PCM1: variants seen among roughly 807,000 people sequenced by gnomAD.
PCM1 encodes pericentriolar material 1 protein.
A neutral mutation model predicts 241.9 loss-of-function variants in PCM1; 157 were observed. The observed-to-expected ratio is 0.65, with a 90% confidence interval of 0.57 to 0.74. The LOEUF (loss-of-function observed/expected upper bound fraction) is 0.74, where lower values mean the gene tolerates loss of function less well. Among genes scored for constraint, PCM1 ranks in the 30% least tolerant of loss-of-function variants. The probability of loss-of-function intolerance (pLI) is 0.00; values close to 1 mark genes in which losing one functional copy is unlikely to be tolerated. For missense variants in PCM1, 3,478 were observed against 2,360.1 expected (o/e 1.47, Z -9.81); for synonymous variants, 1,085 against 784.9 (o/e 1.38, Z -6.39).
At chr8:17,955,735 C>T in intron 10 of PCM1, 82 bp downstream of exon 10, 1 of 1,039,108 alleles carries the variant, frequency 9.6e-7, no homozygotes, top group Non-Finnish European at 1.5e-6. Context: ...GAAAATTCTG[C>T]AAAACGAGAT....
chr8:17,969,830 C>A lies in PCM1; in HGVS notation c.3584+82C>A, dbSNP rs934443073. On this transcript the variant is annotated intron_variant, in intron 22 of 38. Coordinates refer to ENST00000325083, the MANE Select transcript of PCM1 (RefSeq NM_006197.4). ...AATTATGTGTAATTTGAAAACACAACTAGGGAGGACGTTTGTGATGATTTG... is the reference window on the plus strand; with the variant it reads ...AATTATGTGTAATTTGAAAACACAAATAGGGAGGACGTTTGTGATGATTTG... 1.8e-5 allele frequency: 19 copies of A among 1,034,906 alleles called. No homozygotes were observed. The Admixed American group carries it at 4.4e-4, about 24-fold the overall frequency. 64.1% of individuals were successfully genotyped at this position (1,034,906 alleles called of 1,614,324 possible). A position where few individuals can be genotyped will look rare whatever the true frequency, so the allele number is the denominator to read the frequency against.
intron 2 of PCM1, chr8:17,927,126 T>C (rs1015629526): frequency 7.1e-6 from 1 of 140,304 alleles, no homozygotes; most frequent in African/African-American, 2.9e-5. Context: ...TCACTTTGAT[T>C]TTTTTTTTTT....
rs750715895 is a variant in PCM1, at chr8:17,938,723, T to A, written c.343-17T>A. On this transcript the variant is annotated splice_polypyrimidine_tract_variant and intron_variant, in intron 4 of 38. Coordinates refer to ENST00000325083, the MANE Select transcript of PCM1 (RefSeq NM_006197.4). ...AAGGTTAATGTTTGTGTGATTTGAT[T>A]TCTTTTTCATATATAGAGAAGCATT... 1 of 1,593,802 alleles carries A rather than the reference T, an allele frequency of 6.3e-7. No homozygotes were observed. Among genetic ancestry groups the A allele is most frequent in the Non-Finnish European group, 8.6e-7 (1 of 1,164,156 alleles).
chr8:17,996,111 C>G (rs1199951990), intron 29 of PCM1, among the ~76,000 whole-genome samples: 1 of 152,120 alleles, frequency 6.6e-6, no homozygotes, highest in Non-Finnish European at 1.5e-5. Flanking sequence ...TTGTTGTGTT[C>G]CAGATCACAA....
intron 6 of PCM1, among the ~76,000 whole-genome samples, chr8:17,946,850 TG>T (rs2063976611): frequency 6.6e-6 from 1 of 151,516 alleles, no homozygotes; most frequent in Admixed American, 6.6e-5. Context: ...TGTGTGTGTG[TG>T]TGTGTGTGTG....
chr8:17,986,239 G>A, intron 26 of PCM1, 152 bp downstream of exon 26: 1 of 494,300 alleles, frequency 2.0e-6, no homozygotes, highest in Non-Finnish European at 3.4e-6. Flanking sequence ...TTTATTTTGA[G>A]GGCGAGATAT....
At position 17,966,170 on chromosome 8, in the gene PCM1, G is replaced by C. The variant is rs1375459051; in HGVS notation, c.3027G>C (p.Gln1009His). The C allele has an allele frequency of 5.6e-6, 9 of 1,613,800 alleles. No homozygotes were observed. Among genetic ancestry groups the C allele is most frequent in the African/African-American group, 1.3e-5 (1 of 74,924 alleles). ...AACAAATCAATCAGCTAAAGAAACA[G>C]CTTGATTTTAGTGTCAGTATTTGTC... Reference protein sequence around the residue: ...WQEQINQLKKQLDFSVSICQT... With the variant: ...WQEQINQLKKHLDFSVSICQT... Residue 1009 changes from glutamine to histidine, a missense_variant, in exon 19 of 39, where the codon CAG (glutamine) becomes CAC (histidine). Coordinates refer to ENST00000325083, the MANE Select transcript of PCM1 (RefSeq NM_006197.4).
intron 31 of PCM1, 80 bp from the exon 32 acceptor site, chr8:18,010,529 T>C: frequency 9.9e-7 from 1 of 1,005,398 alleles, no homozygotes; most frequent in East Asian, 2.7e-5. Context: ...CCCAGTACTT[T>C]GGGAGGCTGA....
intron 23 of PCM1, among the ~76,000 whole-genome samples, chr8:17,975,350 A>G (rs2078369057): frequency 6.6e-6 from 1 of 152,032 alleles, no homozygotes; most frequent in African/African-American, 2.4e-5. Context: ...TTTAGTAGAG[A>G]CGGGGTTTCT....
chr8:18,018,848 G>GTATATATA (rs765183382), intron 36 of PCM1, among the ~76,000 whole-genome samples: 40 of 36,238 alleles, frequency 1.1e-3, no homozygotes, highest in African/African-American at 1.3e-3. Flanking sequence ...ATGTGTGTGT[G>GTATATATA]TGTGTATATA....
Position 17,947,310 on chromosome 8 carries a change from T to C in PCM1, c.908T>C (p.Leu303Pro). 1 of 1,612,618 alleles carries C rather than the reference T, an allele frequency of 6.2e-7. No homozygotes were observed. The highest frequency in any genetic ancestry group is 1.3e-5 in the African/African-American group (1 of 74,992). ...GCTCTACAGGGACGGCAGGCTGCACTTCTAGCTCTGCAACATAAAGCAGAG... is the reference window on the plus strand; with the variant it reads ...GCTCTACAGGGACGGCAGGCTGCACCTCTAGCTCTGCAACATAAAGCAGAG... Reference protein sequence around the residue: ...LRALQGRQAALLALQHKAEQA... With the variant: ...LRALQGRQAAPLALQHKAEQA... Residue 303 changes from leucine to proline, a missense_variant, in exon 7 of 39, where the codon CTT (leucine) becomes CCT (proline). Transcript: ENST00000325083.
At position 18,023,724 on chromosome 8, in the gene PCM1, C is replaced by T. The variant is rs1280451321; in HGVS notation, c.5842-1637C>T. Among the ~76,000 whole-genome samples, 3 of 152,216 alleles carry T rather than the reference C, an allele frequency of 2.0e-5. No individual in the cohort carries two copies. In the East Asian group the frequency reaches 5.8e-4, roughly 29 times the overall value. On this transcript the variant is annotated intron_variant, in intron 36 of 38. Coordinates refer to ENST00000325083, the MANE Select transcript of PCM1 (RefSeq NM_006197.4). ...TAGAGGGATCTTTAAGTTCTTGCTACAGTTACTGTGTTTTCTTCCTTTGTG... is the reference window on the plus strand; with the variant it reads ...TAGAGGGATCTTTAAGTTCTTGCTATAGTTACTGTGTTTTCTTCCTTTGTG...
Position 17,936,869 on chromosome 8 carries a change from A to G in PCM1, c.97-265A>G, listed in dbSNP as rs930708615. ...TCTTGGAAATATTCAGATTGATTTT[A>G]GGGTTGGCATTTGAGGATTTGTATT... On this transcript the variant is annotated intron_variant, in intron 3 of 38. Transcript: ENST00000325083. Among the ~76,000 whole-genome samples, 6 of 152,330 alleles carry G rather than the reference A, an allele frequency of 3.9e-5. No homozygotes were observed. In the East Asian group the frequency reaches 9.6e-4, roughly 24 times the overall value.
In PCM1 at chr8:17,960,062, G is replaced by C; in HGVS notation, c.2089G>C (p.Asp697His). The C allele has an allele frequency of 6.2e-7, 1 of 1,612,358 alleles. No homozygotes were observed. Among genetic ancestry groups the C allele is most frequent in the Non-Finnish European group, 8.5e-7 (1 of 1,179,130 alleles). ...GVISASASNL[D>H]DFYPAEEDTK... is the part of the protein sequence containing the mutation. ...TATCTCTGCCAGTGCATCAAATTTG[G>C]ATGATTTCTACCCAGCAGAAGAAGA... The change falls in exon 14 of 39, where the codon GAT (aspartate) becomes CAT (histidine). Residue 697 changes from aspartate to histidine, a missense_variant. Coordinates refer to ENST00000325083, the MANE Select transcript of PCM1 (RefSeq NM_006197.4).
At chr8:17,935,509 T>C in intron 2 of PCM1, 80 bp from the exon 3 acceptor site, 1 of 615,044 alleles carries the variant, frequency 1.6e-6, no homozygotes, top group Non-Finnish European at 3.0e-6. Context: ...AAAGATTGTA[T>C]TGCTAAACTT....
At position 17,972,687 on chromosome 8, in the gene PCM1, A is replaced by G. The variant is rs199710827; in HGVS notation, c.3943A>G (p.Arg1315Gly). Reference protein sequence around the residue: ...TQLKSRVKNIRYESASMSSTC... With the variant: ...TQLKSRVKNIGYESASMSSTC... The stretch of plus-strand genomic sequence containing the variant: ...GCTGAAAAGCAGAGTTAAAAACATC[A>G]GTAAGTGTTGAAATTTGTTGAATGT... Residue 1315 changes from arginine (R) to glycine (G), a missense_variant and splice_region_variant, in exon 23 of 39, where the codon AGG becomes GGG. Coordinates refer to ENST00000325083, the MANE Select transcript of PCM1 (RefSeq NM_006197.4). 2.7e-6 allele frequency: 4 copies of G among 1,507,368 alleles called. No homozygotes were observed. Among genetic ancestry groups the G allele is most frequent in the Non-Finnish European group, 3.6e-6 (4 of 1,126,050 alleles). The allele number at this position is 1,507,368 out of a possible 1,614,324, so 93.4% of individuals were successfully genotyped here. A position where few individuals can be genotyped will look rare whatever the true frequency, so the allele number is the denominator to read the frequency against.
At chr8:17,957,810 T>C in intron 13 of PCM1, 35 bp downstream of exon 13, 1 of 1,396,118 alleles carries the variant, frequency 7.2e-7, no homozygotes, top group Non-Finnish European at 1.0e-6. Flanking sequence ...AACCTATTTG[T>C]CAAATAGTAC....
intron 13 of PCM1, 115 bp from the exon 14 acceptor site, chr8:17,959,899 T>C: frequency 1.0e-6 from 1 of 987,204 alleles, no homozygotes; most frequent in Non-Finnish European, 1.5e-6. Flanking sequence ...ACGTGCTTTC[T>C]TTACTGCTTT....
At chr8:17,935,290 T>C (rs971565292) in intron 2 of PCM1, among the ~76,000 whole-genome samples, 3 of 152,218 alleles carry the variant, frequency 2.0e-5, no homozygotes, top group Non-Finnish European at 2.9e-5. Flanking sequence ...ACTTTATTGT[T>C]CTACCCTTTG....
Sources: gnomAD v4.1 joint callset for allele counts (sites outside exome capture counted in the v4.1 genomes callset) on GRCh38, gnomAD v4.1.1 for gene constraint, MANE v1.5 for transcripts, NCBI Gene and HGNC (gene_info 2026-07-23, HGNC 2026-07-21) for gene names.